The following NRG3 variants were observed in gnomAD, a reference collection of about 807,000 sequenced individuals.
The protein encoded by NRG3 is neuregulin 3.
Under a neutral mutation model 66.9 loss-of-function variants are expected in NRG3, and 31 were observed. That is an observed-to-expected ratio of 0.46 (90% CI 0.35 to 0.63). The LOEUF is 0.63. NRG3 is among the 20% of genes least tolerant of loss of function. The probability of loss-of-function intolerance (pLI) is 0.00; values close to 1 mark genes in which losing one functional copy is unlikely to be tolerated. For synonymous variants in NRG3, 393 were observed against 359.4 expected (o/e 1.09, Z -1.06); for missense variants, 910 against 878.9 (o/e 1.04, Z -0.45).
intron 2 of NRG3, among the ~76,000 whole-genome samples, chr10:82,362,467 G>A (rs898341126): frequency 6.7e-6 from 1 of 149,580 alleles, no homozygotes; most frequent in Non-Finnish European, 1.5e-5. Flanking sequence ...TCAATCTCCT[G>A]AGCTCAGGCC....
At chr10:82,458,629 A>G (rs2091377164) in intron 2 of NRG3, among the ~76,000 whole-genome samples, 1 of 152,230 alleles carries the variant, frequency 6.6e-6, no homozygotes, top group South Asian at 2.1e-4. Context: ...AAGGACACAA[A>G]GAACAGTGAT....
chr10:82,242,359 A>G (rs2077042972), intron 1 of NRG3, among the ~76,000 whole-genome samples: 1 of 152,184 alleles, frequency 6.6e-6, no homozygotes, highest in Non-Finnish European at 1.5e-5. Context: ...AGTTTCAGGA[A>G]TATTTTCATT....
At chr10:82,299,058 C>T (rs2080240931) in intron 1 of NRG3, among the ~76,000 whole-genome samples, 1 of 152,120 alleles carries the variant, frequency 6.6e-6, no homozygotes, top group Non-Finnish European at 1.5e-5. Flanking sequence ...GATCCAGTGA[C>T]ATGCCGTGGG....
rs1458562067 is a variant in NRG3, at chr10:81,875,643, C to T, written c.303C>T (p.Asp101=). Residue 101 remains aspartate (D), a synonymous_variant, in exon 1 of 9, where the codon GAC becomes GAT. Coordinates refer to ENST00000372141, the MANE Select transcript of NRG3 (RefSeq NM_001010848.4). The surrounding 1 kb of genome is among the most constrained non-coding windows in gnomAD (Gnocchi z 5.3). The stretch of plus-strand genomic sequence containing the variant: ...CCGTCAAGGAGTACGTGCCCACCGA[C>T]CTAGTGGACTCCAAGGGGATGGGCC... ...VGSVKEYVPT[D]LVDSKGMGQD... 4 of 1,613,866 alleles carry T rather than the reference C, an allele frequency of 2.5e-6. No individual in the cohort carries two copies. Among genetic ancestry groups the T allele is most frequent in the East Asian group, 2.2e-5 (1 of 44,828 alleles).
intron 1 of NRG3, among the ~76,000 whole-genome samples, chr10:81,985,680 A>T (rs2060492719): frequency 6.6e-6 from 1 of 152,214 alleles, no homozygotes; most frequent in African/African-American, 2.4e-5. Context: ...GTTGTGAGTA[A>T]CGCAGATACT....
intron 1 of NRG3, among the ~76,000 whole-genome samples, chr10:82,162,175 G>A (rs995944410): frequency 5.9e-5 from 9 of 152,020 alleles, no homozygotes; most frequent in Non-Finnish European, 8.8e-5. Context: ...ATTATCTGTC[G>A]AATTTAAATT....
chr10:82,529,505 A>G (rs1365156723), intron 2 of NRG3, among the ~76,000 whole-genome samples: 2 of 152,240 alleles, frequency 1.3e-5, no homozygotes, highest in Admixed American at 1.3e-4. Flanking sequence ...GAATAAATCT[A>G]CAACTGTTTA....
chr10:82,797,185 CCTT>C (rs1754772769), intron 3 of NRG3, among the ~76,000 whole-genome samples: 1 of 152,110 alleles, frequency 6.6e-6, no homozygotes, highest in Non-Finnish European at 1.5e-5. Flanking sequence ...AGATGTTAGT[CCTT>C]CTAATTCTCC....
intron 2 of NRG3, among the ~76,000 whole-genome samples, chr10:82,542,791 A>G (rs1310298114): frequency 1.3e-5 from 2 of 152,230 alleles, no homozygotes; most frequent in Non-Finnish European, 2.9e-5. Flanking sequence ...TAATCGGGCA[A>G]TCTTCGTAAG....
At chr10:82,525,858 G>A (rs1001060496) in intron 2 of NRG3, among the ~76,000 whole-genome samples, 1 of 151,836 alleles carries the variant, frequency 6.6e-6, no homozygotes, top group African/African-American at 2.4e-5. Context: ...ATAAAAAGTG[G>A]CAGATCAAAT....
chr10:82,001,850 G>C (rs921967670), intron 1 of NRG3, among the ~76,000 whole-genome samples: 4 of 152,180 alleles, frequency 2.6e-5, no homozygotes, highest in African/African-American at 9.6e-5. Flanking sequence ...AATGCTCTCA[G>C]GGTAGATGTA....
At chr10:82,729,782 A>G (rs1359859702) in intron 2 of NRG3, among the ~76,000 whole-genome samples, 2 of 152,210 alleles carry the variant, frequency 1.3e-5, no homozygotes, top group Non-Finnish European at 2.9e-5. Context: ...TGACCAATGA[A>G]GTGTACGGCT....
intron 3 of NRG3, among the ~76,000 whole-genome samples, chr10:82,836,128 G>A (rs550887807): frequency 1.3e-5 from 2 of 152,258 alleles, no homozygotes; most frequent in East Asian, 3.9e-4. Context: ...ATAAAAAGTT[G>A]TATTAGAATA....
At chr10:82,686,328 T>C (rs954586110) in intron 2 of NRG3, among the ~76,000 whole-genome samples, 2 of 151,748 alleles carry the variant, frequency 1.3e-5, no homozygotes, top group East Asian at 1.9e-4. Context: ...GCTGGAATTA[T>C]AGGCGCCCAC....
chr10:82,771,635 T>C (rs563521560), intron 3 of NRG3, among the ~76,000 whole-genome samples: 2 of 152,284 alleles, frequency 1.3e-5, no homozygotes, highest in African/African-American at 4.8e-5. Flanking sequence ...TTCACTTAAT[T>C]ATTCATTCAA....
chr10:82,345,287 G>A, intron 1 of NRG3, among the ~76,000 whole-genome samples: 1 of 130,800 alleles, frequency 7.6e-6, no homozygotes, highest in East Asian at 2.5e-4. Context: ...CATATGGCTA[G>A]CTAGTTTTCC....
chr10:82,363,253 T>C (rs1222168172), intron 2 of NRG3, among the ~76,000 whole-genome samples: 8 of 152,206 alleles, frequency 5.3e-5, no homozygotes, highest in Non-Finnish European at 1.2e-4. Flanking sequence ...ATACTCAGCC[T>C]CACAGAGAAA....
intron 2 of NRG3, among the ~76,000 whole-genome samples, chr10:82,364,940 G>C (rs1290343400): frequency 6.6e-6 from 1 of 152,172 alleles, no homozygotes; most frequent in Admixed American, 6.5e-5. Flanking sequence ...CAGCCATTGG[G>C]AAGGGCAAAG....
At chr10:82,456,892 G>A (rs552038765) in intron 2 of NRG3, among the ~76,000 whole-genome samples, 63 of 152,152 alleles carry the variant, frequency 4.1e-4, no homozygotes, top group African/African-American at 1.4e-3. Context: ...TTTGGTCCAC[G>A]CCAGCATCCT....
Sources: allele counts gnomAD v4.1 joint callset (sites outside exome capture counted in the v4.1 genomes callset), GRCh38; gene constraint gnomAD v4.1.1; non-coding constraint Gnocchi (gnomAD v3.1); transcripts MANE v1.5; gene names NCBI Gene and HGNC (gene_info 2026-07-23, HGNC 2026-07-21).